RCAN1: variants seen among roughly 807,000 people sequenced by gnomAD.
The protein encoded by RCAN1 is regulator of calcineurin 1.
In RCAN1, 11 loss-of-function variants were observed where a neutral mutation model predicts 22.9. That is an observed-to-expected ratio of 0.48 (90% CI 0.30 to 0.79). The LOEUF (loss-of-function observed/expected upper bound fraction) is 0.79. RCAN1 is among the 30% of genes least tolerant of loss of function. The probability of loss-of-function intolerance (pLI) is 0.06; values close to 1 mark genes in which losing one functional copy is unlikely to be tolerated. For missense variants in RCAN1, 291 were observed against 337.8 expected, an observed-to-expected ratio of 0.86 and a Z score of 1.09; for synonymous variants, 136 against 142.3, an observed-to-expected ratio of 0.96 and a Z score of 0.32.
Position 34,614,889 on chromosome 21 carries a change from C to A in RCAN1, c.123G>T (p.Glu41Asp). The A allele has an allele frequency of 6.9e-7, 1 of 1,444,126 alleles. No homozygotes were observed. The highest frequency in any genetic ancestry group is 1.3e-5 in the South Asian group (1 of 79,132). 89.5% of individuals were successfully genotyped at this position (1,444,126 alleles called of 1,614,324 possible). ...TCCAGTCGCCGCCGCCCTCGTCCGC[C>A]TCGGCCGCCCCCGAGAGGGGCGCGA... ...RPFAPLSGAAEADEGGGDWSF... is the reference protein window; with the variant it reads ...RPFAPLSGAADADEGGGDWSF... The change falls in exon 1 of 4, where the codon GAG becomes GAT. Residue 41 changes from glutamate to aspartate, a missense_variant. Transcript: ENST00000313806. The surrounding 1 kb of genome is among the most constrained non-coding windows in gnomAD (Gnocchi z 6.0).
intron 1 of RCAN1, among the ~76,000 whole-genome samples, chr21:34,572,640 A>G (rs1194828227): frequency 2.0e-5 from 3 of 152,174 alleles, no homozygotes; most frequent in African/African-American, 4.8e-5. Context: ...AACATTCTAA[A>G]GTCCATGAAA....
At chr21:34,577,590 C>A (rs142367693) in intron 1 of RCAN1, among the ~76,000 whole-genome samples, 1 of 152,066 alleles carries the variant, frequency 6.6e-6, no homozygotes, top group Non-Finnish European at 1.5e-5. Flanking sequence ...CAGAGCCAGA[C>A]CCTGTCTCAA....
At chr21:34,559,777 A>G (rs941703785) in intron 1 of RCAN1, 6 of 152,230 alleles carry the variant, frequency 3.9e-5, no homozygotes, top group African/African-American at 1.4e-4. Flanking sequence ...CTTTGAAGAA[A>G]GGAGGCTTGG....
chr21:34,588,064 T>C (rs942809790), intron 1 of RCAN1, among the ~76,000 whole-genome samples: 3 of 152,236 alleles, frequency 2.0e-5, no homozygotes, highest in Non-Finnish European at 4.4e-5. Context: ...TGCCAGTCAC[T>C]ATAATTGTAT....
At chr21:34,602,039 G>A (rs1231048855) in intron 1 of RCAN1, among the ~76,000 whole-genome samples, 2 of 152,024 alleles carry the variant, frequency 1.3e-5, no homozygotes, top group Non-Finnish European at 2.9e-5. Context: ...TATAAAACTG[G>A]TAACAACATA....
At chr21:34,607,870 G>A (rs1233382413) in intron 1 of RCAN1, among the ~76,000 whole-genome samples, 1 of 152,222 alleles carries the variant, frequency 6.6e-6, no homozygotes, top group African/African-American at 2.4e-5. Flanking sequence ...AGCAGCGGGT[G>A]AGCCAGCAAA....
At chr21:34,554,136 G>C (rs1205465206) in intron 1 of RCAN1, among the ~76,000 whole-genome samples, 1 of 152,188 alleles carries the variant, frequency 6.6e-6, no homozygotes, top group Non-Finnish European at 1.5e-5. Flanking sequence ...GAGTAAACAA[G>C]ATAACTCTAC....
intron 1 of RCAN1, among the ~76,000 whole-genome samples, chr21:34,595,317 G>T (rs2284603): frequency 6.6e-6 from 1 of 152,116 alleles, no homozygotes; most frequent in Non-Finnish European, 1.5e-5. Context: ...GGAAAAGAGG[G>T]TCATCAAAAA....
In RCAN1 at chr21:34,517,594, G is replaced by A. The variant is rs1984136265; in HGVS notation, c.*490C>T. ...TACATGCACAAACATGAGAACATGA[G>A]GGAAGAAAGGAAACGCTACAATTTC... On this transcript the variant is annotated 3_prime_UTR_variant, in exon 4 of 4. Transcript: ENST00000313806. 6.5e-6 allele frequency: 1 copy of A among 154,164 alleles called. No individual in the cohort carries two copies. Among genetic ancestry groups the A allele is most frequent in the African/African-American group, 2.4e-5 (1 of 41,498 alleles). The allele number at this position is 154,164 out of a possible 1,614,324, so 9.5% of individuals were successfully genotyped here.
chr21:34,526,662 C>CA, intron 1 of RCAN1: 1 of 1,612,880 alleles, frequency 6.2e-7, no homozygotes, highest in Non-Finnish European at 8.5e-7. Context: ...AGAAGCCTTA[C>CA]CCTGGTTTCA....
At chr21:34,597,969 A>G (rs1200329875) in intron 1 of RCAN1, among the ~76,000 whole-genome samples, 3 of 152,214 alleles carry the variant, frequency 2.0e-5, no homozygotes, top group Admixed American at 2.0e-4. Flanking sequence ...TCTAAAACAT[A>G]AATACAAATT....
chr21:34,563,141 A>G (rs1172720266), intron 1 of RCAN1, among the ~76,000 whole-genome samples: 2 of 152,246 alleles, frequency 1.3e-5, no homozygotes, highest in African/African-American at 4.8e-5. Context: ...TAGAACTAAC[A>G]TCTAAAGCAG....
chr21:34,560,901 C>T (rs1250529831), intron 1 of RCAN1, among the ~76,000 whole-genome samples: 1 of 152,176 alleles, frequency 6.6e-6, no homozygotes, highest in Non-Finnish European at 1.5e-5. Context: ...TGTGATTTGG[C>T]TCTGTGTCCC....
intron 1 of RCAN1, among the ~76,000 whole-genome samples, chr21:34,603,723 AAAT>A (rs773175643): frequency 9.1e-4 from 138 of 152,318 alleles, no homozygotes; most frequent in Non-Finnish European, 1.5e-3. Flanking sequence ...TGAAATGGGG[AAAT>A]AATAGTATAT....
At chr21:34,579,108 G>T (rs981008886) in intron 1 of RCAN1, among the ~76,000 whole-genome samples, 39 of 152,316 alleles carry the variant, frequency 2.6e-4, no homozygotes, top group African/African-American at 8.7e-4. Flanking sequence ...AAAATGCGAT[G>T]TTATGGCCGG....
chr21:34,568,029 G>A (rs1048484290), intron 1 of RCAN1, among the ~76,000 whole-genome samples: 3 of 152,188 alleles, frequency 2.0e-5, no homozygotes, highest in Admixed American at 6.5e-5. Flanking sequence ...GGGTGTTGGC[G>A]GATCTGTATG....
chr21:34,539,329 C>G (rs775253057), intron 1 of RCAN1, among the ~76,000 whole-genome samples: 2 of 152,158 alleles, frequency 1.3e-5, no homozygotes, highest in Non-Finnish European at 2.9e-5. Context: ...ACTATAGAGC[C>G]ACTCATAGTA....
intron 1 of RCAN1, among the ~76,000 whole-genome samples, chr21:34,593,000 G>A (rs2123713565): frequency 6.6e-6 from 1 of 152,308 alleles, no homozygotes; most frequent in African/African-American, 2.4e-5. Context: ...GACCCATGAG[G>A]ACAGTGGTTA....
intron 1 of RCAN1, among the ~76,000 whole-genome samples, chr21:34,585,560 G>A (rs1192374468): frequency 2.0e-5 from 3 of 151,936 alleles, no homozygotes; most frequent in East Asian, 3.9e-4. Flanking sequence ...TGGCTAACAC[G>A]GTGAAATCCC....
Sources: gnomAD v4.1 joint callset for allele counts (sites outside exome capture counted in the v4.1 genomes callset) on GRCh38, gnomAD v4.1.1 for gene constraint, Gnocchi (gnomAD v3.1) non-coding constraint, MANE v1.5 for transcripts, NCBI Gene and HGNC (gene_info 2026-07-23, HGNC 2026-07-21) for gene names.